The following ZNF480 variants were observed in gnomAD, a reference collection of about 807,000 sequenced individuals.
ZNF480 encodes the protein zinc finger protein 480.
Under a neutral mutation model 14.4 loss-of-function variants are expected in ZNF480, and 15 were observed. The observed-to-expected ratio is 1.04, with a 90% CI of 0.70 to 1.60. The LOEUF (loss-of-function observed/expected upper bound fraction) is 1.60, where lower values mean the gene tolerates loss of function less well. Ranked by LOEUF, ZNF480 falls within the 40% of genes most tolerant of loss-of-function variation. The probability of loss-of-function intolerance (pLI) is 0.00; values close to 1 mark genes in which losing one functional copy is unlikely to be tolerated. For synonymous variants in ZNF480, 218 were observed against 215.5 expected (o/e 1.01, Z -0.10); for missense variants, 593 against 629.7 (o/e 0.94, Z 0.62).
At chr19:52,308,310 T>C (rs1189381691) in intron 2 of ZNF480, among the ~76,000 whole-genome samples, 2 of 106,030 alleles carry the variant, frequency 1.9e-5, no homozygotes, top group Admixed American at 8.3e-5. Flanking sequence ...TTTTCTTCTT[T>C]TTTTTTTTTT....
intron 2 of ZNF480, 163 bp downstream of exon 2, chr19:52,300,647 C>A: frequency 8.1e-7 from 1 of 1,230,488 alleles, no homozygotes; most frequent in Non-Finnish European, 1.1e-6. Flanking sequence ...TCGTGGGGAC[C>A]CTAACCTAGT....
At chr19:52,308,414 C>A (rs1983086305) in intron 2 of ZNF480, among the ~76,000 whole-genome samples, 2 of 148,058 alleles carry the variant, frequency 1.4e-5, no homozygotes, top group Non-Finnish European at 3.0e-5. Context: ...TCAAGCAATT[C>A]TTGTGCCTCA....
rs1230099582 is a variant in ZNF480, at chr19:52,322,418, T to C, written c.1168T>C (p.Trp390Arg). ...TCAAAATTCGCACCTAGCACAACAT[T>C]GGAGAATTCATACAGGAGAGAAACC... is the stretch of plus-strand genomic sequence containing the variant. The part of the protein sequence containing the change: ...FIQNSHLAQH[W>R]RIHTGEKPYK... The change falls in exon 5 of 5, where the codon TGG (tryptophan) becomes CGG (arginine). Residue 390 changes from tryptophan (W) to arginine (R), a missense_variant. Transcript: ENST00000595962. 1 of 1,613,640 alleles carries C rather than the reference T, an allele frequency of 6.2e-7. No individual in the cohort carries two copies.
chr19:52,316,604 C>T (rs1286253790), intron 4 of ZNF480, among the ~76,000 whole-genome samples: 3 of 152,202 alleles, frequency 2.0e-5, no homozygotes, highest in African/African-American at 7.2e-5. Context: ...CCTCCTGCCT[C>T]AGCCTCCATA....
In ZNF480 at chr19:52,322,976, C is replaced by A; in HGVS notation, c.*118C>A. 1 of 790,512 alleles carries A rather than the reference C, an allele frequency of 1.3e-6. No individual in the cohort carries two copies. Among genetic ancestry groups the A allele is most frequent in the Non-Finnish European group, 1.8e-6 (1 of 543,376 alleles). The allele number at this position is 790,512 out of a possible 1,614,324, so 49.0% of individuals were successfully genotyped here. A position where few individuals can be genotyped will look rare whatever the true frequency, so the allele number is the denominator to read the frequency against. On this transcript the variant is annotated 3_prime_UTR_variant, in exon 5 of 5. Transcript: ENST00000595962. ...AATGTAAAGAATATGACAAGGTCTT[C>A]AAACACAAGTTTTTCTAATAACTCA...
intron 3 of ZNF480, 112 bp from the exon 4 acceptor site, chr19:52,315,722 A>G: frequency 7.6e-7 from 1 of 1,313,834 alleles, no homozygotes; most frequent in South Asian, 1.6e-5. Context: ...CTATGGATGA[A>G]TTTGTGAAAT....
intron 4 of ZNF480, 68 bp downstream of exon 4, chr19:52,316,030 C>CT (rs1415853293): frequency 1.0e-4 from 149 of 1,450,032 alleles, no homozygotes; most frequent in South Asian, 2.1e-4. Flanking sequence ...TTTGTTTTGT[C>CT]TAGTTTTGGT....
chr19:52,302,474 A>G (rs572480872), intron 2 of ZNF480, among the ~76,000 whole-genome samples: 41 of 152,202 alleles, frequency 2.7e-4, no homozygotes, highest in Admixed American at 2.0e-4. Context: ...ATATAGAGAA[A>G]AATGTAGCTA....
intron 2 of ZNF480, among the ~76,000 whole-genome samples, chr19:52,307,850 C>A (rs1983022743): frequency 6.6e-6 from 1 of 152,190 alleles, no homozygotes; most frequent in South Asian, 2.1e-4. Context: ...TTGGGCAGGC[C>A]AGGTGTTCCT....
chr19:52,314,058 T>C (rs970669849), intron 2 of ZNF480, 95 bp from the exon 3 acceptor site: 11 of 1,338,480 alleles, frequency 8.2e-6, no homozygotes, highest in Non-Finnish European at 1.0e-5. Context: ...GAACATTCTC[T>C]TCAATCCAGT....
chr19:52,307,386 A>C (rs1982986554), intron 2 of ZNF480: 1 of 151,970 alleles, frequency 6.6e-6, no homozygotes, highest in African/African-American at 2.4e-5. Context: ...TCCCCTTCTT[A>C]CTCACCGCAG....
intron 2 of ZNF480, among the ~76,000 whole-genome samples, chr19:52,310,814 C>T (rs535277366): frequency 2.0e-5 from 3 of 151,328 alleles, no homozygotes; most frequent in Admixed American, 6.6e-5. Flanking sequence ...TCCTGGCTAA[C>T]ACAGTGAAAC....
chr19:52,306,187 A>G (rs1437618508), intron 2 of ZNF480, among the ~76,000 whole-genome samples: 1 of 152,206 alleles, frequency 6.6e-6, no homozygotes, highest in African/African-American at 2.4e-5. Flanking sequence ...CAGGATTGGC[A>G]TTGTCAAAAA....
chr19:52,302,358 C>T (rs903425272), intron 2 of ZNF480, among the ~76,000 whole-genome samples: 7 of 152,152 alleles, frequency 4.6e-5, no homozygotes, highest in African/African-American at 9.7e-5. Context: ...ATCACTGTTC[C>T]CCCCTTTGTG....
intron 1 of ZNF480, among the ~76,000 whole-genome samples, chr19:52,297,619 T>G (rs1982469462): frequency 6.6e-6 from 1 of 152,118 alleles, no homozygotes; most frequent in Admixed American, 6.5e-5. Context: ...AGAAGCCGCG[T>G]CTTCTGCCCA....
In ZNF480 at chr19:52,322,061, A is replaced by C. The variant is rs762063744; in HGVS notation, c.811A>C (p.Asn271His). 6.2e-7 allele frequency: 1 copy of C among 1,614,076 alleles called. No individual in the cohort carries two copies. The highest frequency in any genetic ancestry group is 1.7e-5 in the Admixed American group (1 of 59,976). ...TGTCTGTGGCAAGGTTTTTAGTTAC[A>C]ATTCAAACTTTGCACGACATCAAAG... ...CNVCGKVFSY[N>H]SNFARHQRIH... The change falls in exon 5 of 5, where the codon AAT becomes CAT. Residue 271 changes from asparagine (N) to histidine (H), a missense_variant. By Grantham distance (68) the Asn-to-His change is moderately conservative. Transcript: ENST00000595962.
At chr19:52,304,136 G>A (rs1982819964) in intron 2 of ZNF480, among the ~76,000 whole-genome samples, 1 of 152,202 alleles carries the variant, frequency 6.6e-6, no homozygotes, top group Admixed American at 6.5e-5. Flanking sequence ...AGTTTAACAT[G>A]CCTTGTGGCA....
At chr19:52,318,171 A>G (rs2122555671) in intron 4 of ZNF480, among the ~76,000 whole-genome samples, 1 of 152,078 alleles carries the variant, frequency 6.6e-6, no homozygotes, top group African/African-American at 2.4e-5. Context: ...CAGTGGCGTG[A>G]TCTCGGCTCA....
At position 52,324,114 on chromosome 19, in the gene ZNF480, C is replaced by CT. The variant is rs578179459; in HGVS notation, c.*1257dup. On this transcript the variant is annotated 3_prime_UTR_variant, in exon 5 of 5. Coordinates refer to ENST00000595962, the MANE Select transcript of ZNF480 (RefSeq NM_144684.4). Reference sequence around the variant, plus strand: ...TCAAAAAAGTTTCAGGATACAAAATCTGTGTACAAAAATTAGTTGCATTTC... The same window carrying CT: ...TCAAAAAAGTTTCAGGATACAAAATCTTGTGTACAAAAATTAGTTGCATTTC... 4.9e-4 allele frequency: 74 copies of CT among 152,260 alleles called. No homozygotes were observed. In the East Asian group the frequency reaches 0.013, roughly 27 times the overall value. The allele number at this position is 152,260 out of a possible 1,614,324, so 9.4% of individuals were successfully genotyped here.
Sources: allele counts gnomAD v4.1 joint callset (sites outside exome capture counted in the v4.1 genomes callset), GRCh38; gene constraint gnomAD v4.1.1; transcripts MANE v1.5; gene names NCBI Gene and HGNC (gene_info 2026-07-23, HGNC 2026-07-21).